MTSS1: variants seen among roughly 807,000 people sequenced by gnomAD.
MTSS1 encodes the protein MTSS I-BAR domain containing 1.
MTSS1 carries 18 observed loss-of-function variants against 79.0 expected under a neutral mutation model. The ratio of observed to expected loss-of-function variants is 0.23; its 90% CI spans 0.16 to 0.34. The LOEUF is 0.34. Ranked by LOEUF, MTSS1 falls within the 10% of genes least tolerant of loss-of-function variation. MTSS1 has a pLI of 1.00. For synonymous variants in MTSS1, 341 were observed against 368.6 expected, an observed-to-expected ratio of 0.93 and a Z score of 0.86; for missense variants, 815 against 986.2, an observed-to-expected ratio of 0.83 and a Z score of 2.33.
At chr8:124,705,905 G>A (rs1338907810) in intron 1 of MTSS1, among the ~76,000 whole-genome samples, 1 of 152,174 alleles carries the variant, frequency 6.6e-6, no homozygotes, top group East Asian at 1.9e-4. Context: ...CCCCCTATTT[G>A]GGACAACCAA....
At position 124,553,533 on chromosome 8, in the gene MTSS1, G is replaced by A; in HGVS notation, c.1727C>T (p.Thr576Ile). 1 of 1,614,180 alleles carries A rather than the reference G, an allele frequency of 6.2e-7. No individual in the cohort carries two copies. Among genetic ancestry groups the A allele is most frequent in the Non-Finnish European group, 8.5e-7 (1 of 1,180,022 alleles). The change falls in exon 14 of 14, where the codon ACC becomes ATC. Residue 576 changes from threonine to isoleucine, a missense_variant. Physicochemically the swap from Thr to Ile is moderately conservative, Grantham distance 89 (BLOSUM62 -1). Around this residue, in one of 2 missense-constraint regions of MTSS1, gnomAD observed 590 missense variants for 620.8 expected, o/e 0.95. Transcript: ENST00000518547. The surrounding 1 kb of genome is among the most constrained non-coding windows in gnomAD (Gnocchi z 6.0). ...TGGAGTGACCATAGCAGGTCCCAGGGTGGTGGGGAGGCCAGCAGTTGAGGC... is the reference window on the plus strand; with the variant it reads ...TGGAGTGACCATAGCAGGTCCCAGGATGGTGGGGAGGCCAGCAGTTGAGGC... ...RPASTAGLPTTLGPAMVTPGV... is the reference protein window; with the variant it reads ...RPASTAGLPTILGPAMVTPGV...
chr8:124,664,389 T>C (rs1822667460), intron 3 of MTSS1, among the ~76,000 whole-genome samples: 2 of 152,228 alleles, frequency 1.3e-5, no homozygotes, highest in Admixed American at 1.3e-4. Flanking sequence ...AGCTTCCTAC[T>C]GGCCTTTAAT....
intron 3 of MTSS1, among the ~76,000 whole-genome samples, chr8:124,698,606 G>A (rs933686743): frequency 6.6e-6 from 1 of 151,388 alleles, no homozygotes; most frequent in African/African-American, 2.4e-5. Context: ...CTGCCTCCCG[G>A]ATTCAAGCAA....
chr8:124,619,002 G>T (rs887486189), intron 3 of MTSS1, among the ~76,000 whole-genome samples: 5 of 152,184 alleles, frequency 3.3e-5, no homozygotes, highest in African/African-American at 1.2e-4. Flanking sequence ...TTTCTTGTAC[G>T]TGGTTAACGG....
At chr8:124,656,167 C>A (rs1236101000) in intron 3 of MTSS1, among the ~76,000 whole-genome samples, 3 of 152,178 alleles carry the variant, frequency 2.0e-5, no homozygotes, top group Admixed American at 2.0e-4. Context: ...AGAAGAAACT[C>A]AGACTCACTA....
At chr8:124,657,497 G>C (rs1452452215) in intron 3 of MTSS1, among the ~76,000 whole-genome samples, 1 of 150,144 alleles carries the variant, frequency 6.7e-6, no homozygotes, top group Non-Finnish European at 1.5e-5. Flanking sequence ...AAAAAGAAGA[G>C]GACACACACT....
intron 3 of MTSS1, among the ~76,000 whole-genome samples, chr8:124,600,959 G>A (rs1218013128): frequency 6.6e-6 from 1 of 152,072 alleles, no homozygotes; most frequent in Non-Finnish European, 1.5e-5. Flanking sequence ...CAACTCCAGT[G>A]AGCCTCCATC....
chr8:124,583,392 G>A (rs369654698), intron 6 of MTSS1, among the ~76,000 whole-genome samples: 3 of 152,136 alleles, frequency 2.0e-5, no homozygotes, highest in South Asian at 2.1e-4. Context: ...CAGGCAGCCC[G>A]AGCCAGTGCT....
intron 3 of MTSS1, among the ~76,000 whole-genome samples, chr8:124,676,395 A>C (rs1157483438): frequency 6.6e-6 from 1 of 152,168 alleles, no homozygotes; most frequent in Non-Finnish European, 1.5e-5. Flanking sequence ...TTTAGTGACC[A>C]GAACACTCAG....
At chr8:124,579,009 T>G (rs888080141) in intron 6 of MTSS1, among the ~76,000 whole-genome samples, 1 of 152,216 alleles carries the variant, frequency 6.6e-6, no homozygotes, top group Non-Finnish European at 1.5e-5. Context: ...TCACTGTGGC[T>G]TTGCCTATGA....
At position 124,552,878 on chromosome 8, in the gene MTSS1, A is replaced by T; in HGVS notation, c.*114T>A. The T allele has an allele frequency of 1.0e-6, 1 of 1,002,958 alleles. No individual in the cohort carries two copies. The highest frequency in any genetic ancestry group is 1.7e-5 in the South Asian group (1 of 60,256). The allele number at this position is 1,002,958 out of a possible 1,614,324, so 62.1% of individuals were successfully genotyped here. A position where few individuals can be genotyped will look rare whatever the true frequency, so the allele number is the denominator to read the frequency against. On this transcript the variant is annotated 3_prime_UTR_variant, in exon 14 of 14. Coordinates refer to ENST00000518547, the MANE Select transcript of MTSS1 (RefSeq NM_014751.6). ...GGTGTCGAGTACTTTCAAAAGAGCT[A>T]TATTCCGAGTTGCCTACAAAATCTT...
chr8:124,608,768 G>A (rs1328001231), intron 3 of MTSS1, among the ~76,000 whole-genome samples: 1 of 152,204 alleles, frequency 6.6e-6, no homozygotes, highest in Non-Finnish European at 1.5e-5. Flanking sequence ...GGAGGGTGCT[G>A]TGGGCAGCTA....
rs1347719148 is a variant in MTSS1, at chr8:124,567,137, C to T, written c.660G>A (p.Gln220=). The change falls in exon 8 of 14, where the codon CAG becomes CAA. Residue 220 remains glutamine, a synonymous_variant. Transcript: ENST00000518547. ...ISMLGEITHL[Q]TISEDLKSLT... ...GGCTTTTTAGATCTTCCGAGATGGT[C>T]TGAAGGTGGGTTATTTCCCCTAGCA... is the stretch of plus-strand genomic sequence containing the variant. The T allele has an allele frequency of 1.1e-5, 18 of 1,614,172 alleles. No individual in the cohort carries two copies. Among genetic ancestry groups the T allele is most frequent in the Non-Finnish European group, 1.5e-5 (18 of 1,179,998 alleles).
At chr8:124,639,832 C>A (rs1333533332) in intron 3 of MTSS1, among the ~76,000 whole-genome samples, 1 of 152,198 alleles carries the variant, frequency 6.6e-6, no homozygotes, top group African/African-American at 2.4e-5. Flanking sequence ...AAAGCCTAAC[C>A]TTTCGTTCAA....
intron 3 of MTSS1, among the ~76,000 whole-genome samples, chr8:124,657,492 GAA>G (rs1380614129): frequency 1.5e-5 from 2 of 130,264 alleles, no homozygotes; most frequent in Non-Finnish European, 3.3e-5. Context: ...AAAAAAAAAA[GAA>G]GAGGACACAC....
intron 1 of MTSS1, among the ~76,000 whole-genome samples, chr8:124,710,658 G>C (rs1392084023): frequency 6.6e-6 from 1 of 151,470 alleles, no homozygotes; most frequent in Non-Finnish European, 1.5e-5. Context: ...GGCCCAGGAC[G>C]GCATCCCACA....
At chr8:124,560,334 A>G (rs1266766826) in intron 10 of MTSS1, among the ~76,000 whole-genome samples, 1 of 152,204 alleles carries the variant, frequency 6.6e-6, no homozygotes, top group African/African-American at 2.4e-5. Context: ...CAGCCTGGGC[A>G]AGATAGCAAG....
chr8:124,724,559 A>G (rs1442091669), intron 1 of MTSS1, among the ~76,000 whole-genome samples: 3 of 152,244 alleles, frequency 2.0e-5, no homozygotes, highest in African/African-American at 7.2e-5. Flanking sequence ...ACAAGGGTGA[A>G]GAAAATATTT....
chr8:124,613,871 T>G (rs1836331066), intron 3 of MTSS1, among the ~76,000 whole-genome samples: 1 of 152,200 alleles, frequency 6.6e-6, no homozygotes, highest in South Asian at 2.1e-4. Context: ...CAGCAAGGTT[T>G]AAAAGTTAGG....
Sources: allele counts gnomAD v4.1 joint callset (sites outside exome capture counted in the v4.1 genomes callset), GRCh38; gene constraint gnomAD v4.1.1; regional missense constraint gnomAD v4.1.1; non-coding constraint Gnocchi (gnomAD v3.1); transcripts MANE v1.5; gene names NCBI Gene and HGNC (gene_info 2026-07-23, HGNC 2026-07-21).